ANTXR2: variants seen among roughly 807,000 people sequenced by gnomAD.
ANTXR2 encodes the protein anthrax toxin receptor 2.
A neutral mutation model predicts 73.7 loss-of-function variants in ANTXR2; 44 were observed. The observed-to-expected ratio is 0.60, with a 90% confidence interval of 0.47 to 0.77. The LOEUF is 0.77. Among genes scored for constraint, ANTXR2 ranks in the 30% least tolerant of loss-of-function variants. ANTXR2 has a pLI of 0.00. For synonymous variants in ANTXR2, 217 were observed against 205.9 expected (o/e 1.05, Z -0.46); for missense variants, 604 against 592.5 (o/e 1.02, Z -0.20).
chr4:79,998,261 C>A lies in ANTXR2; in HGVS notation c.1041+10260G>T, dbSNP rs529241924. On this transcript the variant is annotated intron_variant, in intron 12 of 16. Transcript: ENST00000403729. ...TGTAAATGGTATTTTAAATTAAGAT[C>A]TATGAGATCTTTATGTAACGTCTTA... Among the ~76,000 whole-genome samples the A allele has an allele frequency of 2.6e-5, 4 of 152,044 alleles. No individual in the cohort carries two copies. The South Asian group carries it at 8.3e-4, about 32-fold the overall frequency.
At chr4:80,038,257 T>C (rs1733070797) in intron 7 of ANTXR2, among the ~76,000 whole-genome samples, 1 of 152,182 alleles carries the variant, frequency 6.6e-6, no homozygotes. Context: ...GCACTGACCA[T>C]AAGTCAATCA....
At chr4:79,926,812 A>G (rs1169528844) in intron 16 of ANTXR2, among the ~76,000 whole-genome samples, 2 of 151,970 alleles carry the variant, frequency 1.3e-5, no homozygotes, top group African/African-American at 2.4e-5. Flanking sequence ...AGTAGCCAAG[A>G]TATGGAAACA....
intron 16 of ANTXR2, among the ~76,000 whole-genome samples, chr4:79,931,781 AT>A (rs1475047713): frequency 6.6e-6 from 1 of 152,206 alleles, no homozygotes; most frequent in Non-Finnish European, 1.5e-5. Context: ...AAATGCATTA[AT>A]TTAGATGGTA....
chr4:79,978,383 A>C (rs202239520), intron 14 of ANTXR2, among the ~76,000 whole-genome samples: 7 of 145,910 alleles, frequency 4.8e-5, no homozygotes, highest in Non-Finnish European at 7.6e-5. Flanking sequence ...AAAAAAAAAA[A>C]CCCTTTGTAA....
chr4:79,933,404 A>G (rs921032750), intron 16 of ANTXR2, among the ~76,000 whole-genome samples: 4 of 152,348 alleles, frequency 2.6e-5, no homozygotes, highest in African/African-American at 9.6e-5. Context: ...AAAGAAAACA[A>G]TACCACCTTA....
chr4:79,964,294 ACT>A (rs1206900191), intron 16 of ANTXR2, among the ~76,000 whole-genome samples: 2 of 152,028 alleles, frequency 1.3e-5, no homozygotes, highest in South Asian at 2.1e-4. Context: ...TGCTTCTCTA[ACT>A]CTCTCTTTTC....
At chr4:79,927,099 A>T (rs1727845499) in intron 16 of ANTXR2, among the ~76,000 whole-genome samples, 1 of 151,440 alleles carries the variant, frequency 6.6e-6, no homozygotes, top group Admixed American at 6.6e-5. Context: ...CAGCCTTAAA[A>T]AAAAGGAGGT....
chr4:80,037,339 A>C (rs909739942), intron 7 of ANTXR2, among the ~76,000 whole-genome samples: 10 of 152,200 alleles, frequency 6.6e-5, no homozygotes, highest in African/African-American at 2.4e-4. Context: ...ATAAGTTCTC[A>C]GCCCCTAAAA....
chr4:79,972,920 T>TAAAAAAAA (rs746252575), intron 16 of ANTXR2, among the ~76,000 whole-genome samples: 3 of 53,176 alleles, frequency 5.6e-5, no homozygotes, highest in African/African-American at 4.5e-4. Flanking sequence ...TAGAGTATAA[T>TAAAAAAAA]AAAAAAAAAA....
At chr4:79,927,308 A>ACACACACACACACG (rs1164517649) in intron 16 of ANTXR2, among the ~76,000 whole-genome samples, 45 of 151,652 alleles carry the variant, frequency 3.0e-4, no homozygotes, top group African/African-American at 9.7e-4. Flanking sequence ...ACACACACAC[A>ACACACACACACACG]CACGCACTCA....
At position 79,904,244 on chromosome 4, in the gene ANTXR2, A is replaced by C. The variant is rs1188731687; in HGVS notation, c.*3185T>G. On this transcript the variant is annotated 3_prime_UTR_variant, in exon 17 of 17. Transcript: ENST00000403729. ...GGATTTATTATAACAAATATTGAAT[A>C]ATTTATTATTTAAATGGTTAGAATA... 6.6e-6 allele frequency: 1 copy of C among 152,128 alleles called. No homozygotes were observed. Among genetic ancestry groups the C allele is most frequent in the Admixed American group, 6.6e-5 (1 of 15,252 alleles). 9.4% of individuals were successfully genotyped at this position (152,128 alleles called of 1,614,324 possible).
intron 16 of ANTXR2, among the ~76,000 whole-genome samples, chr4:79,914,926 C>T (rs1036947222): frequency 6.6e-6 from 1 of 152,152 alleles, no homozygotes; most frequent in African/African-American, 2.4e-5. Flanking sequence ...CTATTACACA[C>T]TTTTCTTCTG....
rs1734832393 is a variant in ANTXR2, at chr4:80,072,300, C to T, written c.152+109G>A. ...AAGACAGCAACAGGGCACCCCTCCGCGGGTTTCCAACACCACTCCCCGGGG... is the reference window on the plus strand; with the variant it reads ...AAGACAGCAACAGGGCACCCCTCCGTGGGTTTCCAACACCACTCCCCGGGG... On this transcript the variant is annotated intron_variant, in intron 1 of 16. Transcript: ENST00000403729. 4 of 1,265,086 alleles carry T rather than the reference C, an allele frequency of 3.2e-6. No homozygotes were observed. In the African/African-American group the frequency reaches 4.7e-5, roughly 15 times the overall value. 78.4% of individuals were successfully genotyped at this position (1,265,086 alleles called of 1,614,324 possible).
At chr4:79,921,638 A>G (rs1289195439) in intron 16 of ANTXR2, among the ~76,000 whole-genome samples, 3 of 152,072 alleles carry the variant, frequency 2.0e-5, no homozygotes, top group African/African-American at 7.2e-5. Context: ...TTTATTTTGA[A>G]GGGCAATTAT....
intron 16 of ANTXR2, among the ~76,000 whole-genome samples, chr4:79,958,942 T>TA (rs1729037721): frequency 6.6e-6 from 1 of 152,112 alleles, no homozygotes; most frequent in Non-Finnish European, 1.5e-5. Context: ...AACATTAAAA[T>TA]ATATGATTTG....
At chr4:79,980,782 A>C (rs762745819) in intron 14 of ANTXR2, among the ~76,000 whole-genome samples, 2 of 152,194 alleles carry the variant, frequency 1.3e-5, no homozygotes, top group Non-Finnish European at 2.9e-5. Flanking sequence ...TATTTAATTT[A>C]AAGAAGAAGG....
intron 10 of ANTXR2, among the ~76,000 whole-genome samples, chr4:80,025,713 G>A (rs186376597): frequency 1.4e-4 from 22 of 152,186 alleles, no homozygotes; most frequent in Admixed American, 2.6e-4. Flanking sequence ...TAGTTTAAAG[G>A]TACCACTTCT....
chr4:79,954,549 G>A (rs1265926663), intron 16 of ANTXR2, among the ~76,000 whole-genome samples: 1 of 152,086 alleles, frequency 6.6e-6, no homozygotes, highest in East Asian at 1.9e-4. Context: ...GTTCAAGGCT[G>A]CAATGAGCCT....
In ANTXR2 at chr4:79,978,172, A is replaced by T; in HGVS notation, c.1182T>A (p.Val394=). 1 of 1,613,628 alleles carries T rather than the reference A, an allele frequency of 6.2e-7. No homozygotes were observed. Among genetic ancestry groups the T allele is most frequent in the South Asian group, 1.1e-5 (1 of 91,054 alleles). ...RGVGGIKRME[V]RWGDKGSTEE... The stretch of plus-strand genomic sequence containing the variant: ...CAGTAGATCCTTTATCACCCCAACG[A>T]ACCTGTAAAACAAAGGGAGAGTACT... The change falls in exon 15 of 17, where the codon GTT becomes GTA. Residue 394 remains valine (V), a splice_region_variant and synonymous_variant. Coordinates refer to ENST00000403729, the MANE Select transcript of ANTXR2 (RefSeq NM_058172.6).
Sources: gnomAD v4.1 joint callset for allele counts (sites outside exome capture counted in the v4.1 genomes callset) on GRCh38, gnomAD v4.1.1 for gene constraint, MANE v1.5 for transcripts, NCBI Gene and HGNC (gene_info 2026-07-23, HGNC 2026-07-21) for gene names.